NDUFAB1: variants seen among roughly 807,000 people sequenced by gnomAD.
NDUFAB1 encodes NADH:ubiquinone oxidoreductase subunit AB1, also known as acyl carrier protein, mitochondrial.
A neutral mutation model predicts 16.1 loss-of-function variants in NDUFAB1; 5 were observed. That is an observed-to-expected ratio of 0.31 (90% CI 0.16 to 0.65). The LOEUF is 0.65. Ranked by LOEUF, NDUFAB1 falls within the 30% of genes least tolerant of loss-of-function variation. The probability of loss-of-function intolerance (pLI) is 0.77; values close to 1 mark genes in which losing one functional copy is unlikely to be tolerated. For missense variants in NDUFAB1, 187 were observed against 205.3 expected (o/e 0.91, Z 0.54); for synonymous variants, 85 against 78.4 (o/e 1.08, Z -0.44).
At chr16:23,592,710 T>C (rs1005391979) in intron 1 of NDUFAB1, among the ~76,000 whole-genome samples, 2 of 152,184 alleles carry the variant, frequency 1.3e-5, no homozygotes, top group Non-Finnish European at 2.9e-5. Context: ...TTTTTGTTTT[T>C]TCCTTACCTT....
chr16:23,589,942 G>GAAAAAAAA (rs57098255), intron 1 of NDUFAB1, among the ~76,000 whole-genome samples: 4 of 70,488 alleles, frequency 5.7e-5, no homozygotes, highest in African/African-American at 9.0e-5. Context: ...TCTCCAAAAA[G>GAAAAAAAA]AAAAAAAAAA....
chr16:23,582,421 A>G (rs769623050), intron 3 of NDUFAB1, 46 bp from the exon 4 acceptor site: 94 of 1,488,298 alleles, frequency 6.3e-5, no homozygotes, highest in Non-Finnish European at 7.9e-5. Flanking sequence ...AAAAAAAAAA[A>G]TCCTTTAGAA....
intron 2 of NDUFAB1, among the ~76,000 whole-genome samples, chr16:23,585,760 T>C (rs532127986): frequency 1.9e-4 from 29 of 152,082 alleles, no homozygotes; most frequent in Admixed American, 1.8e-3. Flanking sequence ...GAACACACAG[T>C]GTTTGGTTTT....
intron 1 of NDUFAB1, among the ~76,000 whole-genome samples, chr16:23,591,699 C>T (rs1217605795): frequency 1.3e-5 from 2 of 152,198 alleles, no homozygotes; most frequent in Admixed American, 6.5e-5. Flanking sequence ...TCTCTTCCCC[C>T]CAACAATGTT....
At chr16:23,588,298 T>C (rs1038870625) in intron 1 of NDUFAB1, among the ~76,000 whole-genome samples, 1 of 151,564 alleles carries the variant, frequency 6.6e-6, no homozygotes, top group African/African-American at 2.4e-5. Context: ...CTACTAAAAA[T>C]ACAAAAATTA....
chr16:23,596,109 T>G lies in NDUFAB1; in HGVS notation c.168+14A>C, dbSNP rs1404699546. On this transcript the variant is annotated intron_variant, in intron 1 of 4. Transcript: ENST00000007516. ...TGACCCTTGCCAAGCGGCAGCAAAG[T>G]CACCACGAGTCACCTGCGCGAGCAC... 6.3e-7 allele frequency: 1 copy of G among 1,599,784 alleles called. No individual in the cohort carries two copies. The highest frequency in any genetic ancestry group is 2.3e-5 in the East Asian group (1 of 43,370).
intron 4 of NDUFAB1, among the ~76,000 whole-genome samples, chr16:23,581,546 TAAAA>T (rs60306232): frequency 8.1e-6 from 1 of 123,008 alleles, no homozygotes; most frequent in African/African-American, 3.0e-5. Flanking sequence ...GTTCCATCTT[TAAAA>T]AAAAAAAAAA....
intron 1 of NDUFAB1, among the ~76,000 whole-genome samples, chr16:23,595,053 C>T (rs1223801206): frequency 6.6e-6 from 1 of 151,892 alleles, no homozygotes; most frequent in East Asian, 2.0e-4. Flanking sequence ...GAGTTCAAGA[C>T]CAACCTGGCC....
intron 1 of NDUFAB1, among the ~76,000 whole-genome samples, chr16:23,589,739 A>G (rs1357314251): frequency 2.0e-5 from 3 of 151,084 alleles, no homozygotes; most frequent in African/African-American, 7.3e-5. Context: ...GTTTAAGACC[A>G]GCCTGCCCAA....
chr16:23,596,178 G>A lies in NDUFAB1; in HGVS notation c.113C>T (p.Ser38Phe), dbSNP rs746519693. Residue 38 changes from serine (S) to phenylalanine (F), a missense_variant, in exon 1 of 5, where the codon TCC (serine) becomes TTC (phenylalanine). Coordinates refer to ENST00000007516, the MANE Select transcript of NDUFAB1 (RefSeq NM_005003.3). Reference sequence around the variant, plus strand: ...CCCGAGCCTCGTCTGGGTCCCCGCGGAGCAGAGAGCGGTGCTGAGAGGCCG... The same window carrying A: ...CCCGAGCCTCGTCTGGGTCCCCGCGAAGCAGAGAGCGGTGCTGAGAGGCCG... ...VARPLSTALCSAGTQTRLGTL... is the reference protein window; with the variant it reads ...VARPLSTALCFAGTQTRLGTL... The A allele has an allele frequency of 1.2e-5, 20 of 1,611,164 alleles. No homozygotes were observed. The highest frequency in any genetic ancestry group is 3.3e-5 in the Admixed American group (2 of 59,922).
intron 2 of NDUFAB1, among the ~76,000 whole-genome samples, chr16:23,586,055 G>A (rs1473640029): frequency 6.6e-6 from 1 of 151,476 alleles, no homozygotes; most frequent in East Asian, 2.0e-4. Context: ...AGACTCCCGA[G>A]TAGCTGGGAT....
chr16:23,584,278 A>AAAAAAAAAAAAAAAAAAAAC (rs1555507449), intron 3 of NDUFAB1, among the ~76,000 whole-genome samples: 1 of 143,184 alleles, frequency 7.0e-6, no homozygotes. Flanking sequence ...AAAAAAAGAA[A>AAAAAAAAAAAAAAAAAAAAC]CCCAGTGCCC....
At chr16:23,592,335 G>A (rs1047224556) in intron 1 of NDUFAB1, among the ~76,000 whole-genome samples, 49 of 141,402 alleles carry the variant, frequency 3.5e-4, no homozygotes, top group African/African-American at 1.3e-3. Flanking sequence ...CAGAGACCTT[G>A]TCTGGAAAAA....
At chr16:23,591,009 T>C (rs1966275255) in intron 1 of NDUFAB1, 1 of 152,086 alleles carries the variant, frequency 6.6e-6, no homozygotes, top group African/African-American at 2.4e-5. Flanking sequence ...AGCTCTCCAG[T>C]ATTCTGGTGA....
intron 3 of NDUFAB1, among the ~76,000 whole-genome samples, chr16:23,582,727 C>G (rs973323241): frequency 7.3e-5 from 11 of 150,486 alleles, no homozygotes; most frequent in Admixed American, 6.0e-4. Flanking sequence ...TCCCCACGGT[C>G]TCCCTCTCCC....
chr16:23,586,218 G>A (rs1021811193), intron 2 of NDUFAB1, among the ~76,000 whole-genome samples: 6 of 151,868 alleles, frequency 4.0e-5, no homozygotes, highest in South Asian at 2.1e-4. Context: ...GAGCCACTGC[G>A]CCTGGCCAAA....
chr16:23,593,719 G>C (rs1246048320), intron 1 of NDUFAB1, among the ~76,000 whole-genome samples: 1 of 152,106 alleles, frequency 6.6e-6, no homozygotes, highest in Non-Finnish European at 1.5e-5. Flanking sequence ...CAGCCTAAGT[G>C]ATCTGTATGT....
rs1597053433 is a variant in NDUFAB1 at position 23,585,364 on chromosome 16, C to T, written c.351G>A (p.Glu117=). The T allele has an allele frequency of 6.2e-7, 1 of 1,613,908 alleles. No homozygotes were observed. Among genetic ancestry groups the T allele is most frequent in the East Asian group, 2.2e-5 (1 of 44,870 alleles). ...DLGLDSLDQV[E]IIMAMEDEFG... is the part of the protein sequence containing the mutation. ...ATTCGTCTTCCATGGCCATGATAAT[C>T]TCCACTTGGTCCAAACTGTCTAAGC... Residue 117 remains glutamate, a synonymous_variant, in exon 3 of 5, where the codon GAG becomes GAA. Transcript: ENST00000007516.
intron 1 of NDUFAB1, chr16:23,595,622 G>A (rs1423045018): frequency 2.2e-6 from 1 of 456,876 alleles, no homozygotes; most frequent in South Asian, 1.5e-5. Context: ...AGGAGTCCTG[G>A]ACACAGGCAG....
Sources: allele counts gnomAD v4.1 joint callset (sites outside exome capture counted in the v4.1 genomes callset), GRCh38; gene constraint gnomAD v4.1.1; transcripts MANE v1.5; gene names NCBI Gene and HGNC (gene_info 2026-07-23, HGNC 2026-07-21).